Variants in CEP128 observed in about 807,000 individuals in gnomAD.
CEP128 encodes centrosomal protein 128.
CEP128 carries 132 observed loss-of-function variants against 156.7 expected under a neutral mutation model. That is an observed-to-expected ratio of 0.84 (90% CI 0.73 to 0.97). The LOEUF (loss-of-function observed/expected upper bound fraction) is 0.97. Among genes scored for constraint, CEP128 ranks in the 50% least tolerant of loss-of-function variants. The probability of loss-of-function intolerance (pLI) is 0.00; values close to 1 mark genes in which losing one functional copy is unlikely to be tolerated. For synonymous variants in CEP128, 469 were observed against 448.9 expected (o/e 1.04, Z -0.57); for missense variants, 1,252 against 1,281.9 (o/e 0.98, Z 0.36).
intron 18 of CEP128, among the ~76,000 whole-genome samples, chr14:80,747,538 A>G (rs1300872560): frequency 6.6e-6 from 1 of 152,150 alleles, no homozygotes; most frequent in East Asian, 1.9e-4. Context: ...GCCAGGGGCA[A>G]TGGCTCACGC....
intron 19 of CEP128, among the ~76,000 whole-genome samples, chr14:80,656,295 A>T (rs1211425622): frequency 1.1e-3 from 4 of 3,580 alleles, no homozygotes; most frequent in African/African-American, 3.6e-3. Context: ...ATATATTTAT[A>T]TATATATATA....
At chr14:80,911,186 C>T (rs907683250) in intron 4 of CEP128, among the ~76,000 whole-genome samples, 51 of 152,236 alleles carry the variant, frequency 3.4e-4, no homozygotes, top group African/African-American at 1.2e-3. Context: ...ATGCAAATAA[C>T]AGAAGTGATC....
intron 19 of CEP128, among the ~76,000 whole-genome samples, chr14:80,644,382 G>A (rs1460840369): frequency 6.6e-6 from 1 of 152,172 alleles, no homozygotes; most frequent in African/African-American, 2.4e-5. Context: ...TGCAGTGGCA[G>A]GAGAAAATAC....
intron 11 of CEP128, among the ~76,000 whole-genome samples, chr14:80,837,153 A>T (rs1458992): frequency 2.0e-4 from 31 of 152,290 alleles, no homozygotes; most frequent in African/African-American, 7.5e-4. Flanking sequence ...TTCAGCACCA[A>T]TTGTCAGAAT....
intron 16 of CEP128, among the ~76,000 whole-genome samples, chr14:80,771,923 G>A (rs531497355): frequency 4.1e-4 from 63 of 152,204 alleles, no homozygotes; most frequent in Non-Finnish European, 7.9e-4. Context: ...TCTTAGGTAA[G>A]TCAGTTAACT....
chr14:80,563,221 T>A (rs1296584194), intron 20 of CEP128, among the ~76,000 whole-genome samples: 1 of 151,626 alleles, frequency 6.6e-6, no homozygotes, highest in East Asian at 2.0e-4. Context: ...CTCAACACAC[T>A]CGCAGGGCTT....
chr14:80,877,177 T>TA (rs544473924), intron 8 of CEP128, among the ~76,000 whole-genome samples: 1 of 151,748 alleles, frequency 6.6e-6, no homozygotes, highest in Middle Eastern at 3.2e-3. Flanking sequence ...TAAAAAGATA[T>TA]AATTAGAAAG....
At chr14:80,510,680 C>A (rs532636804) in intron 23 of CEP128, among the ~76,000 whole-genome samples, 1 of 152,120 alleles carries the variant, frequency 6.6e-6, no homozygotes, top group East Asian at 1.9e-4. Context: ...TGTTACAGAT[C>A]TTAGAGGAAG....
At chr14:80,893,835 T>A (rs1053630353) in intron 8 of CEP128, among the ~76,000 whole-genome samples, 2 of 151,854 alleles carry the variant, frequency 1.3e-5, no homozygotes, top group African/African-American at 4.8e-5. Flanking sequence ...ACAAATAAAC[T>A]AGGGGATTAA....
chr14:80,612,726 T>G (rs930336126), intron 19 of CEP128, among the ~76,000 whole-genome samples: 6 of 152,240 alleles, frequency 3.9e-5, no homozygotes, highest in Non-Finnish European at 4.4e-5. Flanking sequence ...TGAGTTGTAC[T>G]TGACAATATT....
chr14:80,624,672 T>C (rs950577981), intron 19 of CEP128, among the ~76,000 whole-genome samples: 1 of 152,114 alleles, frequency 6.6e-6, no homozygotes, highest in African/African-American at 2.4e-5. Flanking sequence ...CTCTGATGAT[T>C]GGTGATGTTG....
At chr14:80,885,710 A>C (rs1337878317) in intron 8 of CEP128, among the ~76,000 whole-genome samples, 2 of 152,160 alleles carry the variant, frequency 1.3e-5, no homozygotes, top group African/African-American at 4.8e-5. Context: ...AAAAACCAGA[A>C]TGACTCTTGT....
rs570515887 is a variant in CEP128 at position 80,875,996 on chromosome 14, T to C, written c.646-13123A>G. Among the ~76,000 whole-genome samples, 5 of 152,110 alleles carry C rather than the reference T, an allele frequency of 3.3e-5. No homozygotes were observed. The South Asian group carries it at 1.0e-3, about 32-fold the overall frequency. On this transcript the variant is annotated intron_variant, in intron 8 of 24. Coordinates refer to ENST00000555265, the MANE Select transcript of CEP128 (RefSeq NM_152446.5). Reference sequence around the variant, plus strand: ...CGGGGTTTATGGAGTTGAGGTGCTATATAGAAGAAAATATTCAAAAGAAAG... The same window carrying C: ...CGGGGTTTATGGAGTTGAGGTGCTACATAGAAGAAAATATTCAAAAGAAAG...
chr14:80,744,595 G>A (rs1595335302), intron 18 of CEP128, among the ~76,000 whole-genome samples: 1 of 152,106 alleles, frequency 6.6e-6, no homozygotes, highest in African/African-American at 2.4e-5. Flanking sequence ...TGGCACTTGA[G>A]GCATAACTGA....
intron 1 of CEP128, chr14:80,959,378 G>C (rs1358022008): frequency 6.6e-6 from 1 of 152,182 alleles, no homozygotes; most frequent in African/African-American, 2.4e-5. Flanking sequence ...TATAATTATA[G>C]ATCATATATC....
chr14:80,708,862 A>T (rs1432683572), intron 19 of CEP128, among the ~76,000 whole-genome samples: 1 of 152,088 alleles, frequency 6.6e-6, no homozygotes, highest in Non-Finnish European at 1.5e-5. Flanking sequence ...ATTTTTCCAT[A>T]TAAATATCCA....
chr14:80,795,573 A>G (rs895638405), intron 13 of CEP128, among the ~76,000 whole-genome samples: 1 of 152,178 alleles, frequency 6.6e-6, no homozygotes, highest in Admixed American at 6.5e-5. Flanking sequence ...TGTAAGAAAA[A>G]TCACACAGGA....
intron 4 of CEP128, among the ~76,000 whole-genome samples, chr14:80,907,226 T>C (rs1335135169): frequency 1.3e-5 from 2 of 151,982 alleles, no homozygotes; most frequent in Non-Finnish European, 2.9e-5. Flanking sequence ...AGAAGTAGAG[T>C]TAGAATTTCA....
chr14:80,918,826 C>A (rs1181266718), intron 2 of CEP128, among the ~76,000 whole-genome samples: 3 of 152,080 alleles, frequency 2.0e-5, no homozygotes, highest in Admixed American at 6.6e-5. Context: ...AGGAAAAAAA[C>A]TAAGTGACAT....
Sources: allele counts gnomAD v4.1 joint callset (sites outside exome capture counted in the v4.1 genomes callset), GRCh38; gene constraint gnomAD v4.1.1; transcripts MANE v1.5; gene names NCBI Gene and HGNC (gene_info 2026-07-23, HGNC 2026-07-21).